SRD5A2: variants seen among roughly 807,000 people sequenced by gnomAD.
SRD5A2 encodes 3-oxo-5-alpha-steroid 4-dehydrogenase 2.
A neutral mutation model predicts 27.4 loss-of-function variants in SRD5A2; 30 were observed. The observed-to-expected ratio is 1.10, with a 90% CI of 0.82 to 1.49. The LOEUF (loss-of-function observed/expected upper bound fraction) is 1.49, where lower values mean the gene tolerates loss of function less well. Ranked by LOEUF, SRD5A2 falls within the 40% of genes most tolerant of loss-of-function variation. The pLI, the probability that SRD5A2 is intolerant of heterozygous loss-of-function variation, is 0.00. For synonymous variants in SRD5A2, 141 were observed against 133.6 expected (o/e 1.06, Z -0.38); for missense variants, 348 against 323.4 (o/e 1.08, Z -0.58).
At chr2:31,588,519 T>C in the SRD5A2 span, among the ~76,000 whole-genome samples, 1 of 152,126 alleles carries the variant, frequency 6.6e-6, no homozygotes, top group Non-Finnish European at 1.5e-5. Flanking sequence ...GAATAATATA[T>C]CTAGTGAAAA....
Position 31,525,519 on chromosome 2 carries a change from C to T in SRD5A2, c.*677G>A, listed in dbSNP as rs578243673. The T allele has an allele frequency of 2.7e-5, 6 of 224,810 alleles. No individual in the cohort carries two copies. Among genetic ancestry groups the T allele is most frequent in the African/African-American group, 8.9e-5 (4 of 44,928 alleles). 13.9% of individuals were successfully genotyped at this position (224,810 alleles called of 1,614,324 possible). ...TTCAAGAATAGCCATACCAGTTTTC[C>T]GGGGATTGTGAAATCTTCTGGAAAA... On this transcript the variant is annotated 3_prime_UTR_variant, in exon 5 of 5. Coordinates refer to ENST00000622030, the MANE Select transcript of SRD5A2 (RefSeq NM_000348.4).
the SRD5A2 span, among the ~76,000 whole-genome samples, chr2:31,607,671 T>A: frequency 6.6e-6 from 1 of 152,076 alleles, no homozygotes; most frequent in Non-Finnish European, 1.5e-5. Flanking sequence ...GATGAAAGTG[T>A]GTCCTCAGCA....
chr2:31,582,733 C>A (rs1358180254), upstream of SRD5A2, among the ~76,000 whole-genome samples: 2 of 152,154 alleles, frequency 1.3e-5, no homozygotes, highest in Non-Finnish European at 2.9e-5. Context: ...CAAAACTAAA[C>A]CCAGTTATTT....
At chr2:31,555,140 C>A (rs1188981100) in intron 1 of SRD5A2, among the ~76,000 whole-genome samples, 2 of 147,834 alleles carry the variant, frequency 1.4e-5, no homozygotes, top group African/African-American at 5.1e-5. Flanking sequence ...AAATTGTGAC[C>A]AACACACACA....
chr2:31,547,337 T>C (rs1464156949), intron 1 of SRD5A2, among the ~76,000 whole-genome samples: 1 of 152,192 alleles, frequency 6.6e-6, no homozygotes, highest in African/African-American at 2.4e-5. Flanking sequence ...GTCTCCCTTC[T>C]GTAAAAGGGA....
At chr2:31,577,314 T>A (rs1315171476) in intron 1 of SRD5A2, among the ~76,000 whole-genome samples, 1 of 151,926 alleles carries the variant, frequency 6.6e-6, no homozygotes, top group African/African-American at 2.4e-5. Flanking sequence ...AGGAAAGTTA[T>A]CTGAATTGAC....
intron 1 of SRD5A2, among the ~76,000 whole-genome samples, chr2:31,538,278 C>T (rs1666065372): frequency 6.6e-6 from 1 of 152,134 alleles, no homozygotes; most frequent in African/African-American, 2.4e-5. Flanking sequence ...CTTCCAATTG[C>T]TTAAGCCAAA....
chr2:31,595,336 G>T, the SRD5A2 span, among the ~76,000 whole-genome samples: 1 of 152,052 alleles, frequency 6.6e-6, no homozygotes, highest in Non-Finnish European at 1.5e-5. Flanking sequence ...GAAGAGAGAA[G>T]ATCCAAGCAA....
chr2:31,612,252 G>A, the SRD5A2 span, among the ~76,000 whole-genome samples: 1 of 151,074 alleles, frequency 6.6e-6, no homozygotes, highest in African/African-American at 2.4e-5. Context: ...CTGCATTCCA[G>A]CCTGGGTGAC....
the SRD5A2 span, among the ~76,000 whole-genome samples, chr2:31,630,884 C>G: frequency 6.6e-6 from 1 of 152,118 alleles, no homozygotes; most frequent in Non-Finnish European, 1.5e-5. Flanking sequence ...CCCTTCAGAA[C>G]AGAAGGGTAG....
At chr2:31,644,968 G>A in the SRD5A2 span, among the ~76,000 whole-genome samples, 1 of 152,182 alleles carries the variant, frequency 6.6e-6, no homozygotes, top group Non-Finnish European at 1.5e-5. Context: ...TCTCAAAACT[G>A]AGTTAATGTG....
intron 1 of SRD5A2, among the ~76,000 whole-genome samples, chr2:31,576,012 T>C (rs1203061625): frequency 6.6e-6 from 1 of 151,990 alleles, no homozygotes; most frequent in African/African-American, 2.4e-5. Context: ...GGATTAAAGA[T>C]TTAAACGTTA....
the SRD5A2 span, among the ~76,000 whole-genome samples, chr2:31,615,110 A>G: frequency 1.3e-5 from 2 of 152,114 alleles, no homozygotes; most frequent in South Asian, 4.2e-4. Flanking sequence ...TTTTTAAAAA[A>G]TAATAATAAA....
intron 1 of SRD5A2, among the ~76,000 whole-genome samples, chr2:31,578,011 T>G (rs1666994802): frequency 6.6e-6 from 1 of 152,148 alleles, no homozygotes; most frequent in Non-Finnish European, 1.5e-5. Context: ...TAAGCAGATA[T>G]TAAGAAATCT....
At chr2:31,607,067 T>C in the SRD5A2 span, among the ~76,000 whole-genome samples, 1 of 151,904 alleles carries the variant, frequency 6.6e-6, no homozygotes, top group East Asian at 1.9e-4. Flanking sequence ...GAATTAGACA[T>C]AATAGTTGAA....
the SRD5A2 span, among the ~76,000 whole-genome samples, chr2:31,620,285 G>A: frequency 2.0e-5 from 3 of 152,060 alleles, no homozygotes; most frequent in Non-Finnish European, 4.4e-5. Context: ...ACAAGACAAG[G>A]ATGCCCTCAC....
At chr2:31,560,226 A>T (rs113389343) in intron 1 of SRD5A2, among the ~76,000 whole-genome samples, 39 of 152,042 alleles carry the variant, frequency 2.6e-4, no homozygotes, top group African/African-American at 9.2e-4. Flanking sequence ...TCTTCTTTCC[A>T]TCTTGTTGCT....
upstream of SRD5A2, among the ~76,000 whole-genome samples, chr2:31,585,862 A>C (rs1386372593): frequency 1.3e-5 from 2 of 152,114 alleles, no homozygotes; most frequent in Admixed American, 1.3e-4. Flanking sequence ...GGCAGCAGTC[A>C]CCACCAGCTG....
chr2:31,577,947 T>C (rs1405774694), intron 1 of SRD5A2, among the ~76,000 whole-genome samples: 1 of 152,156 alleles, frequency 6.6e-6, no homozygotes, highest in East Asian at 1.9e-4. Flanking sequence ...ACAAATTAAA[T>C]GTCCAACTAT....
Sources: gnomAD v4.1 joint callset for allele counts (sites outside exome capture counted in the v4.1 genomes callset) on GRCh38, gnomAD v4.1.1 for gene constraint, MANE v1.5 for transcripts, NCBI Gene and HGNC (gene_info 2026-07-23, HGNC 2026-07-21) for gene names.